PIBF1: variants seen among roughly 807,000 people sequenced by gnomAD.
PIBF1 encodes progesterone immunomodulatory binding factor 1, also known as progesterone-induced-blocking factor 1.
In PIBF1, 90 loss-of-function variants were observed where a neutral mutation model predicts 112.5. That is an observed-to-expected ratio of 0.80 (90% CI 0.67 to 0.95). PIBF1 has a LOEUF of 0.95. Among genes scored for constraint, PIBF1 ranks in the 40% least tolerant of loss-of-function variants. The pLI, the probability that PIBF1 is intolerant of heterozygous loss-of-function variation, is 0.00. For synonymous variants in PIBF1, 301 were observed against 288.6 expected, an observed-to-expected ratio of 1.04 and a Z score of -0.44; for missense variants, 915 against 852.3, an observed-to-expected ratio of 1.07 and a Z score of -0.92.
At chr13:72,965,800 A>G (rs1057346500) in intron 15 of PIBF1, among the ~76,000 whole-genome samples, 5 of 152,092 alleles carry the variant, frequency 3.3e-5, no homozygotes, top group Non-Finnish European at 1.5e-5. Flanking sequence ...AAAAATTTAC[A>G]TTTACTTAGA....
At chr13:72,833,134 T>C (rs1028538685) in intron 8 of PIBF1, among the ~76,000 whole-genome samples, 1 of 152,206 alleles carries the variant, frequency 6.6e-6, no homozygotes, top group Non-Finnish European at 1.5e-5. Flanking sequence ...TTTATATTCT[T>C]CTCTACACTG....
chr13:72,966,533 G>A lies in PIBF1; in HGVS notation c.1964+1129G>A, dbSNP rs139158740. 8.0e-3 allele frequency among the ~76,000 whole-genome samples: 1,216 copies of A among 152,054 alleles called. 14 individuals are homozygous for A. Among genetic ancestry groups the A allele is most frequent in the African/African-American group, 0.028 (1,144 of 41,460 alleles). ...AAATTATGTCTTTCACAATTCACTG[G>A]GCACCTGATTATCTTAGGGAAATTG... On this transcript the variant is annotated intron_variant, in intron 15 of 17. Coordinates refer to ENST00000326291, the MANE Select transcript of PIBF1 (RefSeq NM_006346.4).
At chr13:72,904,071 A>C (rs995246302) in intron 11 of PIBF1, among the ~76,000 whole-genome samples, 1 of 151,304 alleles carries the variant, frequency 6.6e-6, no homozygotes, top group African/African-American at 2.5e-5. Flanking sequence ...TTCCCAAAAG[A>C]TAATTATTTG....
chr13:72,852,428 A>G (rs9530104), intron 9 of PIBF1, among the ~76,000 whole-genome samples: 21,771 of 152,156 alleles, frequency 0.14, 1,735 homozygotes, highest in Non-Finnish European at 0.17. Flanking sequence ...CCCTGTACTC[A>G]CTGACTTGCT....
chr13:72,854,268 G>T (rs2138324562), intron 10 of PIBF1, 113 bp downstream of exon 10: 11 of 629,486 alleles, frequency 1.7e-5, no homozygotes, highest in East Asian at 5.9e-5. Flanking sequence ...ATTGAGGAGA[G>T]ACTAATTTTC....
chr13:72,899,911 C>T (rs766107340), intron 11 of PIBF1, among the ~76,000 whole-genome samples: 59 of 152,100 alleles, frequency 3.9e-4, no homozygotes, highest in Non-Finnish European at 7.9e-4. Flanking sequence ...GCAAAGTTTC[C>T]GGATACAAGA....
At chr13:72,895,363 T>C (rs2040241535) in intron 11 of PIBF1, among the ~76,000 whole-genome samples, 1 of 150,168 alleles carries the variant, frequency 6.7e-6, no homozygotes, top group Non-Finnish European at 1.5e-5. Flanking sequence ...AAATAGAAAC[T>C]GAAAAACAGT....
intron 14 of PIBF1, among the ~76,000 whole-genome samples, chr13:72,943,452 A>G (rs1368084891): frequency 6.6e-6 from 1 of 152,248 alleles, no homozygotes; most frequent in Non-Finnish European, 1.5e-5. Flanking sequence ...AATATCACAT[A>G]TACCCTATGC....
chr13:72,803,384 G>A (rs1285548285), intron 5 of PIBF1, among the ~76,000 whole-genome samples: 1 of 152,078 alleles, frequency 6.6e-6, no homozygotes, highest in East Asian at 1.9e-4. Flanking sequence ...AACCAACAGT[G>A]TAGGTAGTAC....
At chr13:72,828,472 T>C (rs763389597) in intron 8 of PIBF1, among the ~76,000 whole-genome samples, 2 of 152,026 alleles carry the variant, frequency 1.3e-5, no homozygotes, top group South Asian at 4.1e-4. Context: ...TTCCCCTCCC[T>C]GTGTCCACGT....
chr13:72,924,094 CTCT>C (rs1175230571), intron 13 of PIBF1, among the ~76,000 whole-genome samples: 1 of 152,144 alleles, frequency 6.6e-6, no homozygotes, highest in Non-Finnish European at 1.5e-5. Flanking sequence ...CATTTAAACA[CTCT>C]TCTTTCTTCC....
At chr13:72,907,665 C>T (rs2040747426) in intron 11 of PIBF1, among the ~76,000 whole-genome samples, 1 of 151,970 alleles carries the variant, frequency 6.6e-6, no homozygotes, top group African/African-American at 2.4e-5. Flanking sequence ...TTTTCTGGCT[C>T]CAAACCATAT....
At chr13:72,882,040 A>G (rs2039660742) in intron 10 of PIBF1, among the ~76,000 whole-genome samples, 1 of 152,138 alleles carries the variant, frequency 6.6e-6, no homozygotes. Context: ...TTCAAAATAT[A>G]CTACAGTGCT....
intron 16 of PIBF1, among the ~76,000 whole-genome samples, chr13:72,992,559 C>T (rs1053360517): frequency 2.0e-5 from 3 of 152,116 alleles, no homozygotes; most frequent in South Asian, 2.1e-4. Context: ...TTTGGGATGC[C>T]GAGGCAGGCA....
chr13:72,983,293 G>C (rs1276015484), intron 16 of PIBF1, among the ~76,000 whole-genome samples: 1 of 152,134 alleles, frequency 6.6e-6, no homozygotes, highest in African/African-American at 2.4e-5. Context: ...GAGCGAGACT[G>C]TATCAAAGAA....
intron 5 of PIBF1, among the ~76,000 whole-genome samples, chr13:72,804,870 G>A (rs1041105030): frequency 6.6e-6 from 1 of 152,160 alleles, no homozygotes; most frequent in Non-Finnish European, 1.5e-5. Context: ...CAAATAAAAG[G>A]AAGTGTTACT....
intron 9 of PIBF1, among the ~76,000 whole-genome samples, chr13:72,841,608 T>C (rs765288518): frequency 1.8e-4 from 28 of 151,814 alleles, no homozygotes; most frequent in Non-Finnish European, 3.4e-4. Flanking sequence ...CCGTCTCTAG[T>C]GAAAATACAA....
intron 9 of PIBF1, among the ~76,000 whole-genome samples, chr13:72,837,188 T>C (rs895439875): frequency 1.3e-5 from 2 of 152,116 alleles, no homozygotes; most frequent in African/African-American, 4.8e-5. Flanking sequence ...GAAGAAATTA[T>C]ACGTATTCTT....
At chr13:72,843,723 C>G (rs1049619459) in intron 9 of PIBF1, among the ~76,000 whole-genome samples, 7 of 152,128 alleles carry the variant, frequency 4.6e-5, no homozygotes, top group Non-Finnish European at 8.8e-5. Context: ...AATTTCTGAT[C>G]TTTTACAGAT....
Sources: gnomAD v4.1 joint callset for allele counts (sites outside exome capture counted in the v4.1 genomes callset) on GRCh38, gnomAD v4.1.1 for gene constraint, MANE v1.5 for transcripts, NCBI Gene and HGNC (gene_info 2026-07-23, HGNC 2026-07-21) for gene names.